Variants in CNGB3 observed in about 807,000 individuals in gnomAD.
CNGB3 encodes the protein cyclic nucleotide-gated channel beta-3.
A neutral mutation model predicts 92.8 loss-of-function variants in CNGB3; 86 were observed. The observed-to-expected ratio is 0.93, with a 90% CI of 0.78 to 1.11. The LOEUF (loss-of-function observed/expected upper bound fraction) is 1.11, where lower values mean the gene tolerates loss of function less well. Ranked by LOEUF, CNGB3 falls within the 50% of genes least tolerant of loss-of-function variation. The probability of loss-of-function intolerance (pLI) is 0.00; values close to 1 mark genes in which losing one functional copy is unlikely to be tolerated. For synonymous variants in CNGB3, 333 were observed against 332.7 expected (o/e 1.00, Z -0.01); for missense variants, 1,026 against 956.8 (o/e 1.07, Z -0.95).
At chr8:86,576,601 C>A (rs1821666637) in intron 17 of CNGB3, among the ~76,000 whole-genome samples, 1 of 152,140 alleles carries the variant, frequency 6.6e-6, no homozygotes, top group Non-Finnish European at 1.5e-5. Context: ...TATCCCTTTC[C>A]TAGTATGATC....
chr8:86,605,821 A>C (rs894243528), intron 14 of CNGB3, among the ~76,000 whole-genome samples: 1 of 152,212 alleles, frequency 6.6e-6, no homozygotes, highest in Non-Finnish European at 1.5e-5. Context: ...TATTTTCCTG[A>C]ACATCAACTA....
chr8:86,704,440 A>C (rs1430737326), intron 3 of CNGB3: 1 of 152,230 alleles, frequency 6.6e-6, no homozygotes, highest in East Asian at 1.9e-4. Flanking sequence ...GAACAGAAAG[A>C]GAAGAAAAAT....
intron 6 of CNGB3, chr8:86,658,985 C>G: frequency 1.9e-6 from 2 of 1,077,762 alleles, no homozygotes; most frequent in South Asian, 1.3e-5. Flanking sequence ...GGGCTTGGAG[C>G]TGTCCTGCCA....
intron 3 of CNGB3, among the ~76,000 whole-genome samples, chr8:86,715,670 G>T (rs947171069): frequency 2.0e-5 from 3 of 151,966 alleles, no homozygotes; most frequent in African/African-American, 4.8e-5. Flanking sequence ...GCCAGAAAAA[G>T]AATTAAGAAG....
intron 2 of CNGB3, among the ~76,000 whole-genome samples, chr8:86,737,061 CTGTTTTCCATCTTTG>C: frequency 6.6e-6 from 1 of 152,204 alleles, no homozygotes; most frequent in Non-Finnish European, 1.5e-5. Flanking sequence ...TTGGAAGATA[CTGTTTTCCATCTTTG>C]TGGCAGAGAT....
chr8:86,694,904 C>A (rs935632556), intron 3 of CNGB3, among the ~76,000 whole-genome samples: 1 of 152,068 alleles, frequency 6.6e-6, no homozygotes, highest in Admixed American at 6.5e-5. Flanking sequence ...GGGTGGCGCC[C>A]GGGCAGAGGC....
At chr8:86,609,562 G>A (rs550940018) in intron 14 of CNGB3, among the ~76,000 whole-genome samples, 2 of 152,260 alleles carry the variant, frequency 1.3e-5, no homozygotes, top group African/African-American at 4.8e-5. Flanking sequence ...TAGAGGCAAG[G>A]CCCTCTTCTC....
intron 3 of CNGB3, chr8:86,707,549 T>C (rs780493437): frequency 6.6e-6 from 1 of 152,570 alleles, no homozygotes; most frequent in Non-Finnish European, 1.5e-5. Flanking sequence ...CTGAGGTTAG[T>C]GAGGCAGTGG....
intron 15 of CNGB3, among the ~76,000 whole-genome samples, chr8:86,597,346 C>G (rs562250151): frequency 1.4e-3 from 214 of 152,256 alleles, no homozygotes; most frequent in African/African-American, 5.2e-3. Context: ...TTTGGACATT[C>G]TGGTGCAGAG....
chr8:86,589,428 G>A (rs1399558922), intron 15 of CNGB3, among the ~76,000 whole-genome samples: 1 of 151,026 alleles, frequency 6.6e-6, no homozygotes, highest in Non-Finnish European at 1.5e-5. Context: ...TAATTGTGAT[G>A]TTAGGGTGTC....
At chr8:86,668,772 G>T (rs1823800180) in intron 4 of CNGB3, among the ~76,000 whole-genome samples, 1 of 151,876 alleles carries the variant, frequency 6.6e-6, no homozygotes, top group African/African-American at 2.4e-5. Context: ...AGGGGGCTTT[G>T]TCACCTGGGT....
intron 6 of CNGB3, among the ~76,000 whole-genome samples, chr8:86,663,990 T>G (rs1823693982): frequency 6.6e-6 from 1 of 152,240 alleles, no homozygotes; most frequent in Non-Finnish European, 1.5e-5. Flanking sequence ...AACATTGATT[T>G]TCTCCCCCCT....
chr8:86,682,559 T>A (rs2131628980), intron 3 of CNGB3, among the ~76,000 whole-genome samples: 1 of 152,254 alleles, frequency 6.6e-6, no homozygotes, highest in East Asian at 1.9e-4. Flanking sequence ...GATGTGTGGC[T>A]GGGGTCTGGA....
chr8:86,709,408 C>T (rs926749496), intron 3 of CNGB3, among the ~76,000 whole-genome samples: 4 of 152,280 alleles, frequency 2.6e-5, no homozygotes, highest in Admixed American at 1.3e-4. Context: ...AACCCCAGCG[C>T]TTGGCTGAGC....
At chr8:86,609,644 CCT>C (rs1459295254) in intron 14 of CNGB3, among the ~76,000 whole-genome samples, 1 of 152,148 alleles carries the variant, frequency 6.6e-6, no homozygotes, top group South Asian at 2.1e-4. Flanking sequence ...CCAGTTCCAT[CCT>C]CTCTCATTAG....
Position 86,659,139 on chromosome 8 carries a change from C to T in CNGB3, c.853-5077G>A, listed in dbSNP as rs144812740. ...CAAGCTGGTCTCCAGCTCCTGTACC[C>T]GAGTCATGCTGTGCTCCTTCTCCTC... On this transcript the variant is annotated intron_variant, in intron 6 of 17. Transcript: ENST00000320005. The T allele has an allele frequency of 9.6e-5, 68 of 710,006 alleles. 1 individual carries two copies. In the African/African-American group the frequency reaches 1.0e-3, roughly 11 times the overall value. 44.0% of individuals were successfully genotyped at this position (710,006 alleles called of 1,614,324 possible).
intron 6 of CNGB3, among the ~76,000 whole-genome samples, chr8:86,664,457 T>C (rs966553085): frequency 6.6e-6 from 1 of 152,230 alleles, no homozygotes; most frequent in African/African-American, 2.4e-5. Context: ...CAGCCCTTGC[T>C]GAGCCTTGGG....
chr8:86,694,735 A>C (rs1361388625), intron 3 of CNGB3, among the ~76,000 whole-genome samples: 2 of 150,714 alleles, frequency 1.3e-5, no homozygotes, highest in Non-Finnish European at 2.9e-5. Flanking sequence ...CACTTCCTAG[A>C]TGGGATGGCG....
At chr8:86,594,445 C>CA in intron 15 of CNGB3, 1 of 289,852 alleles carries the variant, frequency 3.5e-6, no homozygotes, top group South Asian at 3.1e-5. Context: ...GGTGCATGTT[C>CA]ATGAGCTTGT....
Sources: gnomAD v4.1 joint callset for allele counts (sites outside exome capture counted in the v4.1 genomes callset) on GRCh38, gnomAD v4.1.1 for gene constraint, MANE v1.5 for transcripts, NCBI Gene and HGNC (gene_info 2026-07-23, HGNC 2026-07-21) for gene names.